ZNF92: variants seen among roughly 807,000 people sequenced by gnomAD.
The protein encoded by ZNF92 is epididymis luminal protein 203.
ZNF92 carries 11 observed loss-of-function variants against 12.4 expected under a neutral mutation model. The observed-to-expected ratio is 0.89, with a 90% CI of 0.56 to 1.47. ZNF92 has a LOEUF of 1.47. Ranked by LOEUF, ZNF92 falls within the 40% of genes most tolerant of loss-of-function variation. The probability of loss-of-function intolerance (pLI) is 0.00; values close to 1 mark genes in which losing one functional copy is unlikely to be tolerated. For missense variants in ZNF92, 622 were observed against 681.0 expected (o/e 0.91, Z 0.96); for synonymous variants, 206 against 228.6 (o/e 0.90, Z 0.89).
intron 1 of ZNF92, among the ~76,000 whole-genome samples, chr7:65,384,309 A>T (rs1793505207): frequency 6.6e-6 from 1 of 152,064 alleles, no homozygotes. Context: ...AGAGAGCAGA[A>T]TTCTACATAG....
chr7:65,374,258 C>T (rs1376428821), intron 1 of ZNF92, among the ~76,000 whole-genome samples: 1 of 152,174 alleles, frequency 6.6e-6, no homozygotes, highest in Admixed American at 6.5e-5. Flanking sequence ...GGCAGCTCTG[C>T]ACCCGCAGCG....
intron 3 of ZNF92, among the ~76,000 whole-genome samples, chr7:65,397,704 G>C (rs916345269): frequency 6.6e-6 from 1 of 152,018 alleles, no homozygotes; most frequent in African/African-American, 2.4e-5. Flanking sequence ...CATGTTCTTA[G>C]GATGTGCCTT....
At chr7:65,395,612 C>T (rs1793827680) in intron 3 of ZNF92, among the ~76,000 whole-genome samples, 2 of 152,018 alleles carry the variant, frequency 1.3e-5, no homozygotes, top group Non-Finnish European at 2.9e-5. Context: ...TGGCACTATC[C>T]TCTTGGTAAT....
chr7:65,383,267 A>G (rs1793473145), intron 1 of ZNF92, among the ~76,000 whole-genome samples: 1 of 152,100 alleles, frequency 6.6e-6, no homozygotes, highest in Admixed American at 6.5e-5. Flanking sequence ...GAAATTAAGG[A>G]CATATTATTT....
Position 65,399,596 on chromosome 7 carries a change from A to G in ZNF92, c.1482A>G (p.Ser494=). Residue 494 remains serine (S), a synonymous_variant, in exon 4 of 4, where the codon TCA becomes TCG. Coordinates refer to ENST00000328747, the MANE Select transcript of ZNF92 (RefSeq NM_152626.4). ...GTGGCAAAGCCTTTAACCAGTCCTC[A>G]ATTTTTACTAAACATAAGATAATTC... is the stretch of plus-strand genomic sequence containing the variant. ...EECGKAFNQS[S]IFTKHKIIHT... 1.9e-6 allele frequency: 3 copies of G among 1,613,814 alleles called. No individual in the cohort carries two copies. Among genetic ancestry groups the G allele is most frequent in the African/African-American group, 2.7e-5 (2 of 75,034 alleles).
Position 65,399,993 on chromosome 7 carries a change from G to A in ZNF92, c.*118G>A. On this transcript the variant is annotated 3_prime_UTR_variant, in exon 4 of 4. Coordinates refer to ENST00000328747, the MANE Select transcript of ZNF92 (RefSeq NM_152626.4). ...TAAATGGTTGTCACGCTTGATTGTA[G>A]GTAAGATAATTTATATTGGAGAAAA... The A allele has an allele frequency of 3.3e-6, 3 of 920,022 alleles. No individual in the cohort carries two copies. Among genetic ancestry groups the A allele is most frequent in the African/African-American group, 1.7e-5 (1 of 60,396 alleles). 57.0% of individuals were successfully genotyped at this position (920,022 alleles called of 1,614,324 possible).
At position 65,399,690 on chromosome 7, in the gene ZNF92, G is replaced by T. The variant is rs1336279162; in HGVS notation, c.1576G>T (p.Ala526Ser). Residue 526 changes from alanine (A) to serine (S), a missense_variant, in exon 4 of 4, where the codon GCA becomes TCA. Coordinates refer to ENST00000328747, the MANE Select transcript of ZNF92 (RefSeq NM_152626.4). ...TTTTAACCAGTCCTCAAACCTTACT[G>T]CACGTAAGATAATTTATACTGGAGA... ...NAFNQSSNLT[A>S]RKIIYTGEKP... The T allele has an allele frequency of 1.2e-6, 2 of 1,613,072 alleles. No individual in the cohort carries two copies. Among genetic ancestry groups the T allele is most frequent in the Non-Finnish European group, 1.7e-6 (2 of 1,179,624 alleles).
intron 3 of ZNF92, among the ~76,000 whole-genome samples, chr7:65,397,664 C>G (rs1156948220): frequency 1.3e-5 from 2 of 152,020 alleles, no homozygotes; most frequent in African/African-American, 4.8e-5. Flanking sequence ...AACCAATTGT[C>G]TTGGCTAGAG....
intron 1 of ZNF92, among the ~76,000 whole-genome samples, chr7:65,382,073 GA>G (rs1793434672): frequency 6.6e-6 from 1 of 152,092 alleles, no homozygotes; most frequent in South Asian, 2.1e-4. Flanking sequence ...ACGAAGATGT[GA>G]AAAGTTTATT....
At position 65,384,079 on chromosome 7, in the gene ZNF92, A is replaced by G. The variant is rs188237786; in HGVS notation, c.4-3823A>G. 2.9e-4 allele frequency among the ~76,000 whole-genome samples: 44 copies of G among 152,240 alleles called. 1 individual carries two copies. The highest frequency in any genetic ancestry group is 9.9e-4 in the African/African-American group (41 of 41,560). On this transcript the variant is annotated intron_variant, in intron 1 of 3. Transcript: ENST00000328747. ...GATGTTTATGGACAGAAGAGTTGTT[A>G]TTATTATTTCTGTTTCTTTTACCTT...
At chr7:65,395,551 G>C (rs1793824790) in intron 3 of ZNF92, among the ~76,000 whole-genome samples, 1 of 152,064 alleles carries the variant, frequency 6.6e-6, no homozygotes, top group Non-Finnish European at 1.5e-5. Context: ...TTTGATGTGG[G>C]ACCTGGAGGA....
chr7:65,387,850 A>G (rs1323436608), intron 1 of ZNF92, 52 bp from the exon 2 acceptor site: 5 of 1,509,990 alleles, frequency 3.3e-6, no homozygotes, highest in Middle Eastern at 1.8e-4. Flanking sequence ...AATTCTGCCC[A>G]TGGCCACTTA....
chr7:65,384,822 T>TAC (rs747743075), intron 1 of ZNF92, among the ~76,000 whole-genome samples: 6 of 152,156 alleles, frequency 3.9e-5, no homozygotes, highest in Non-Finnish European at 7.3e-5. Context: ...CCCAGGGTGT[T>TAC]ACGAGGATTA....
Position 65,380,947 on chromosome 7 carries a change from ATC to A in ZNF92, c.4-6949_4-6948del, listed in dbSNP as rs201930287. On this transcript the variant is annotated intron_variant, in intron 1 of 3. Coordinates refer to ENST00000328747, the MANE Select transcript of ZNF92 (RefSeq NM_152626.4). ...GTGTTTTTTTTGTTTGTTTGTTTGC[ATC>A]TCTCTAATGATTAGTGATGAGCACT... Among the ~76,000 whole-genome samples, 778 of 152,060 alleles carry A rather than the reference ATC, an allele frequency of 5.1e-3. 6 individuals carry two copies. The highest frequency in any genetic ancestry group is 0.011 in the Admixed American group (162 of 15,242).
At chr7:65,378,648 A>G (rs1474762195) in intron 1 of ZNF92, among the ~76,000 whole-genome samples, 1 of 151,932 alleles carries the variant, frequency 6.6e-6, no homozygotes, top group Non-Finnish European at 1.5e-5. Flanking sequence ...AGGCTGAGGC[A>G]GGAGAATGGT....
At chr7:65,374,121 C>T in intron 1 of ZNF92, 121 bp downstream of exon 1, 1 of 1,381,502 alleles carries the variant, frequency 7.2e-7, no homozygotes, top group Non-Finnish European at 1.0e-6. Flanking sequence ...GGCCCGAGTT[C>T]TCCTTGGCGC....
Position 65,373,866 on chromosome 7 carries a change from C to T in ZNF92, c.-132C>T. Reference sequence around the variant, plus strand: ...TTGGCGGGGCCTTTGTCTCTCGCTGCAGCCGGCGCTCCACGTCTAGTCTTC... The same window carrying T: ...TTGGCGGGGCCTTTGTCTCTCGCTGTAGCCGGCGCTCCACGTCTAGTCTTC... On this transcript the variant is annotated 5_prime_UTR_variant, in exon 1 of 4. Transcript: ENST00000328747. 3.9e-6 allele frequency: 5 copies of T among 1,282,626 alleles called. No homozygotes were observed. Among genetic ancestry groups the T allele is most frequent in the Non-Finnish European group, 5.7e-6 (5 of 884,328 alleles). 79.5% of individuals were successfully genotyped at this position (1,282,626 alleles called of 1,614,324 possible).
chr7:65,373,861 C>T lies in ZNF92; in HGVS notation c.-137C>T, dbSNP rs552478258. ...GGGATTTGGCGGGGCCTTTGTCTCT[C>T]GCTGCAGCCGGCGCTCCACGTCTAG... On this transcript the variant is annotated 5_prime_UTR_variant, in exon 1 of 4. Coordinates refer to ENST00000328747, the MANE Select transcript of ZNF92 (RefSeq NM_152626.4). The T allele has an allele frequency of 9.0e-5, 111 of 1,233,174 alleles. 2 individuals are homozygous for T. In the African/African-American group the frequency reaches 1.6e-3, roughly 17 times the overall value. 76.4% of individuals were successfully genotyped at this position (1,233,174 alleles called of 1,614,324 possible).
chr7:65,387,212 G>A (rs1467474862), intron 1 of ZNF92, among the ~76,000 whole-genome samples: 1 of 151,372 alleles, frequency 6.6e-6, no homozygotes, highest in African/African-American at 2.4e-5. Context: ...AAACTGCTGG[G>A]ATTATAGGTA....
Sources: allele counts gnomAD v4.1 joint callset (sites outside exome capture counted in the v4.1 genomes callset), GRCh38; gene constraint gnomAD v4.1.1; transcripts MANE v1.5; gene names NCBI Gene and HGNC (gene_info 2026-07-23, HGNC 2026-07-21).